The following BTBD7 variants were observed in gnomAD, a reference collection of about 807,000 sequenced individuals.
The protein encoded by BTBD7 is BTB/POZ domain-containing protein 7.
A neutral mutation model predicts 99.9 loss-of-function variants in BTBD7; 38 were observed. The ratio of observed to expected loss-of-function variants is 0.38; its 90% CI spans 0.29 to 0.50. The LOEUF (loss-of-function observed/expected upper bound fraction) is 0.50, where lower values mean the gene tolerates loss of function less well. Ranked by LOEUF, BTBD7 falls within the 20% of genes least tolerant of loss-of-function variation. The pLI is 0.93. For missense variants in BTBD7, 1,170 were observed against 1,394.6 expected, an observed-to-expected ratio of 0.84 and a Z score of 2.57; for synonymous variants, 520 against 511.4, an observed-to-expected ratio of 1.02 and a Z score of -0.23.
chr14:93,304,774 CAT>C (rs1224232963), intron 1 of BTBD7, among the ~76,000 whole-genome samples: 10 of 152,192 alleles, frequency 6.6e-5, no homozygotes, highest in Admixed American at 5.9e-4. Context: ...AAAGCCAAAA[CAT>C]TCAGATTTTC....
At chr14:93,319,845 T>C (rs764692142) in intron 1 of BTBD7, among the ~76,000 whole-genome samples, 48 of 152,086 alleles carry the variant, frequency 3.2e-4, no homozygotes, top group Non-Finnish European at 5.9e-4. Flanking sequence ...ACAACACATA[T>C]GAGAGACAAC....
At chr14:93,282,335 CTTTTT>C (rs71129622) in intron 3 of BTBD7, among the ~76,000 whole-genome samples, 42 of 139,998 alleles carry the variant, frequency 3.0e-4, no homozygotes, top group African/African-American at 1.0e-3. Context: ...ATGCTTTTTT[CTTTTT>C]TTTTTTTTTT....
rs139419155 is a variant in BTBD7 at position 93,265,453 on chromosome 14, G to A, written c.1163-1460C>T. On this transcript the variant is annotated intron_variant, in intron 3 of 10. Transcript: ENST00000334746. ...TTCAATGTATTCCTAGCACCTTCTC[G>A]CACATGTGCTAAACCTGTGCTAAGT... Among the ~76,000 whole-genome samples, 26 of 152,330 alleles carry A rather than the reference G, an allele frequency of 1.7e-4. No homozygotes were observed. In the East Asian group the frequency reaches 4.4e-3, roughly 26 times the overall value.
chr14:93,283,570 G>A (rs1039992872), intron 3 of BTBD7, among the ~76,000 whole-genome samples: 2 of 152,088 alleles, frequency 1.3e-5, no homozygotes, highest in African/African-American at 4.8e-5. Context: ...GTTTGGTTTT[G>A]AGACAGTCTC....
intron 1 of BTBD7, among the ~76,000 whole-genome samples, chr14:93,298,234 A>G (rs533275067): frequency 2.0e-5 from 3 of 152,306 alleles, no homozygotes; most frequent in African/African-American, 7.2e-5. Context: ...GCATGCACAC[A>G]CATATGGAAT....
chr14:93,306,696 C>T lies in BTBD7; in HGVS notation c.-106-10539G>A, dbSNP rs17129001. Among the ~76,000 whole-genome samples the T allele has an allele frequency of 4.5e-3, 691 of 152,162 alleles. 3 individuals are homozygous for T. Among genetic ancestry groups the T allele is most frequent in the African/African-American group, 0.016 (653 of 41,514 alleles). ...AAGTAATGGTGCTTATTTCTTGAGG[C>T]GCAAAGTTATTTCTGGCATAACTTC... On this transcript the variant is annotated intron_variant, in intron 1 of 10. Coordinates refer to ENST00000334746, the MANE Select transcript of BTBD7 (RefSeq NM_001002860.4).
At chr14:93,268,241 T>C (rs2052562858) in intron 3 of BTBD7, among the ~76,000 whole-genome samples, 1 of 152,156 alleles carries the variant, frequency 6.6e-6, no homozygotes, top group African/African-American at 2.4e-5. Flanking sequence ...TTTAAGAGCC[T>C]ACTTTGATAC....
chr14:93,317,201 C>T (rs187182136), intron 1 of BTBD7, among the ~76,000 whole-genome samples: 102 of 152,240 alleles, frequency 6.7e-4, no homozygotes, highest in Middle Eastern at 3.4e-3. Flanking sequence ...GATGGGGCTT[C>T]ACTATGTTGG....
intron 3 of BTBD7, among the ~76,000 whole-genome samples, chr14:93,277,460 C>T (rs923080924): frequency 6.6e-6 from 1 of 152,100 alleles, no homozygotes; most frequent in Non-Finnish European, 1.5e-5. Context: ...TGAAATAGAG[C>T]ACATTCTTAT....
intron 1 of BTBD7, among the ~76,000 whole-genome samples, chr14:93,308,461 AT>A (rs1371116305): frequency 1.3e-5 from 2 of 152,172 alleles, no homozygotes; most frequent in African/African-American, 4.8e-5. Flanking sequence ...TGCTTCCTCA[AT>A]AATTAAACAT....
In BTBD7 at chr14:93,239,064, G is replaced by C. The variant is rs1444327514; in HGVS notation, c.*3209C>G. 6.6e-6 allele frequency: 1 copy of C among 152,168 alleles called. No homozygotes were observed. The highest frequency in any genetic ancestry group is 2.4e-5 in the African/African-American group (1 of 41,422). The allele number at this position is 152,168 out of a possible 1,614,324, so 9.4% of individuals were successfully genotyped here. A position where few individuals can be genotyped will look rare whatever the true frequency, so the allele number is the denominator to read the frequency against. On this transcript the variant is annotated 3_prime_UTR_variant, in exon 11 of 11. Coordinates refer to ENST00000334746, the MANE Select transcript of BTBD7 (RefSeq NM_001002860.4). ...CATGTTCCCAGAAATAAAGCTAAAG[G>C]GGGCATGTGAGAACGGGCGTGGAAA...
chr14:93,270,399 A>T (rs1342602653), intron 3 of BTBD7, among the ~76,000 whole-genome samples: 1 of 152,050 alleles, frequency 6.6e-6, no homozygotes, highest in Admixed American at 6.5e-5. Flanking sequence ...CCTGGCCAAA[A>T]GCTTTTATTA....
chr14:93,294,662 A>G lies in BTBD7; in HGVS notation c.358T>C (p.Leu120=), dbSNP rs749950777. ...AATGTCCGGGCTTCTGGTCTAGCCA[A>G]ACTGGCTTGTAGAGAAAGCTCCTTT... ...ALKELSLQAS[L]ARPEARTLQK... Residue 120 remains leucine, a synonymous_variant, in exon 3 of 11, where the codon TTG becomes CTG. Transcript: ENST00000334746. The G allele has an allele frequency of 8.7e-6, 14 of 1,614,146 alleles. 1 individual carries two copies. The South Asian group carries it at 1.5e-4, about 18-fold the overall frequency.
chr14:93,244,320 G>A (rs2052275308), intron 10 of BTBD7: 1 of 226,936 alleles, frequency 4.4e-6, no homozygotes, highest in Non-Finnish European at 9.0e-6. Context: ...TGATCCAGTT[G>A]TAAGCATCAT....
chr14:93,256,081 T>C (rs1847802150), intron 6 of BTBD7: 1 of 152,226 alleles, frequency 6.6e-6, no homozygotes, highest in African/African-American at 2.4e-5. Flanking sequence ...GAAAACAATA[T>C]TGTTTTCTTC....
chr14:93,302,290 T>C (rs1267272274), intron 1 of BTBD7, among the ~76,000 whole-genome samples: 8 of 152,196 alleles, frequency 5.3e-5, no homozygotes, highest in Admixed American at 3.3e-4. Context: ...TTAGTGGGTA[T>C]AGTGCCAGTG....
At chr14:93,315,584 A>G (rs2139812682) in intron 1 of BTBD7, among the ~76,000 whole-genome samples, 1 of 152,294 alleles carries the variant, frequency 6.6e-6, no homozygotes. Context: ...CAATTCCCCA[A>G]TCCTAGGCAA....
intron 1 of BTBD7, among the ~76,000 whole-genome samples, chr14:93,329,666 A>G (rs764602834): frequency 6.6e-6 from 1 of 152,242 alleles, no homozygotes; most frequent in Non-Finnish European, 1.5e-5. Context: ...CCTTGATGAC[A>G]TTATACTAAG....
At chr14:93,309,641 T>G (rs2053115334) in intron 1 of BTBD7, among the ~76,000 whole-genome samples, 1 of 152,092 alleles carries the variant, frequency 6.6e-6, no homozygotes, top group Non-Finnish European at 1.5e-5. Flanking sequence ...AGTCTCCAGT[T>G]TCTACTTTAT....
Sources: gnomAD v4.1 joint callset for allele counts (sites outside exome capture counted in the v4.1 genomes callset) on GRCh38, gnomAD v4.1.1 for gene constraint, MANE v1.5 for transcripts, NCBI Gene and HGNC (gene_info 2026-07-23, HGNC 2026-07-21) for gene names.